The following VWA8 variants were observed in gnomAD, a reference collection of about 807,000 sequenced individuals.
VWA8 encodes the protein von Willebrand factor A domain-containing protein 8.
Under a neutral mutation model 241.5 loss-of-function variants are expected in VWA8, and 221 were observed. The observed-to-expected ratio is 0.91, with a 90% CI of 0.82 to 1.02. The LOEUF is 1.02. Among genes scored for constraint, VWA8 ranks in the 50% least tolerant of loss-of-function variants. The pLI is 0.00. For missense variants in VWA8, 2,322 were observed against 2,328.7 expected (o/e 1.00, Z 0.06); for synonymous variants, 852 against 827.1 (o/e 1.03, Z -0.52).
chr13:41,568,446 T>C (rs2139627599), intron 44 of VWA8, 141 bp from the exon 45 acceptor site: 3 of 581,998 alleles, frequency 5.2e-6, no homozygotes, highest in Non-Finnish European at 9.2e-6. Flanking sequence ...CTGCCTACCA[T>C]TGAATTAGTC....
intron 15 of VWA8, 102 bp from the exon 16 acceptor site, chr13:41,816,877 A>T: frequency 1.1e-6 from 1 of 919,826 alleles, no homozygotes; most frequent in Non-Finnish European, 1.7e-6. Context: ...TTAGAATTAC[A>T]TTTTTAGAAA....
At chr13:41,694,045 A>T (rs964488157) in intron 29 of VWA8, among the ~76,000 whole-genome samples, 2 of 151,984 alleles carry the variant, frequency 1.3e-5, no homozygotes, top group Non-Finnish European at 2.9e-5. Context: ...CTTGAAAAAT[A>T]TAGAAAACAA....
Position 41,689,520 on chromosome 13 carries a change from A to C in VWA8, c.3977-12T>G. On this transcript the variant is annotated splice_polypyrimidine_tract_variant and intron_variant, in intron 33 of 44. Coordinates refer to ENST00000379310, the MANE Select transcript of VWA8 (RefSeq NM_015058.2). ...GCTGAACTCTGTTTCTGAAAAGTAC[A>C]AACATTAGACACCATATGCTCCTGA... 2 of 1,599,420 alleles carry C rather than the reference A, an allele frequency of 1.3e-6. No homozygotes were observed. Among genetic ancestry groups the C allele is most frequent in the South Asian group, 2.3e-5 (2 of 88,470 alleles).
chr13:41,866,371 A>C (rs1593828628), intron 10 of VWA8, among the ~76,000 whole-genome samples: 1 of 150,006 alleles, frequency 6.7e-6, no homozygotes, highest in Non-Finnish European at 1.5e-5. Flanking sequence ...ATATATATAT[A>C]TATATGTGTG....
intron 2 of VWA8, among the ~76,000 whole-genome samples, chr13:41,921,320 C>G (rs1593871121): frequency 6.6e-6 from 1 of 152,200 alleles, no homozygotes; most frequent in Non-Finnish European, 1.5e-5. Context: ...GACAAACCCA[C>G]AGCCAACATC....
At chr13:41,724,987 T>C (rs1265120232) in intron 24 of VWA8, among the ~76,000 whole-genome samples, 1 of 152,114 alleles carries the variant, frequency 6.6e-6, no homozygotes, top group East Asian at 1.9e-4. Context: ...TGAAATGAGA[T>C]TGGTCAGTTT....
chr13:41,656,221 C>T (rs1183747171), intron 37 of VWA8, among the ~76,000 whole-genome samples: 1 of 152,258 alleles, frequency 6.6e-6, no homozygotes, highest in East Asian at 1.9e-4. Context: ...TGATGACTTA[C>T]AATCAAATGC....
At chr13:41,604,613 T>C (rs1011984843) in intron 40 of VWA8, among the ~76,000 whole-genome samples, 2 of 152,110 alleles carry the variant, frequency 1.3e-5, no homozygotes, top group Admixed American at 6.6e-5. Flanking sequence ...TTGAAATACT[T>C]CATGGAAAAG....
intron 39 of VWA8, among the ~76,000 whole-genome samples, chr13:41,608,708 C>T (rs1247528656): frequency 6.6e-6 from 1 of 152,160 alleles, no homozygotes; most frequent in Non-Finnish European, 1.5e-5. Flanking sequence ...GGTGCCTACC[C>T]TAGACGCTTT....
intron 9 of VWA8, among the ~76,000 whole-genome samples, chr13:41,876,601 C>T (rs895384425): frequency 1.1e-4 from 16 of 152,066 alleles, no homozygotes; most frequent in Admixed American, 5.2e-4. Context: ...GACTGACAGT[C>T]GCCCTTCATT....
chr13:41,745,302 A>G (rs1313396538), intron 21 of VWA8, among the ~76,000 whole-genome samples: 2 of 151,816 alleles, frequency 1.3e-5, no homozygotes, highest in African/African-American at 4.8e-5. Context: ...CCCCCACCCC[A>G]TGACAGGCCC....
At chr13:41,771,886 C>CTTTTTTTTT (rs10639837) in intron 20 of VWA8, among the ~76,000 whole-genome samples, 1 of 100,274 alleles carries the variant, frequency 1.0e-5, no homozygotes, top group Non-Finnish European at 2.0e-5. Context: ...CCAGCAGGGA[C>CTTTTTTTTT]TTTTTTTTTT....
At chr13:41,664,945 C>A (rs1169957474) in intron 37 of VWA8, among the ~76,000 whole-genome samples, 2 of 152,106 alleles carry the variant, frequency 1.3e-5, no homozygotes, top group African/African-American at 4.8e-5. Flanking sequence ...ACACTATAAT[C>A]CTCTGCTGAC....
intron 1 of VWA8, among the ~76,000 whole-genome samples, chr13:41,957,758 G>A (rs1411488798): frequency 6.6e-6 from 1 of 152,062 alleles, no homozygotes; most frequent in East Asian, 1.9e-4. Flanking sequence ...CTGTGTAAAA[G>A]TATTTTAGGG....
At chr13:41,570,854 A>C in intron 43 of VWA8, 148 bp from the exon 44 acceptor site, 2 of 672,314 alleles carry the variant, frequency 3.0e-6, no homozygotes, top group Non-Finnish European at 5.0e-6. Flanking sequence ...TTTAATTTGC[A>C]TATTTGAGTG....
In VWA8 at chr13:41,691,905, TG is replaced by T; in HGVS notation, c.3708del (p.His1236GlnfsTer15). On this transcript the variant is annotated frameshift_variant, in exon 31 of 45. Transcript: ENST00000379310. LOFTEE classifies it high-confidence loss of function. ...TCTTTGTAGAACACCAGCCAGTTTT[TG>T]TGTGAAAATTCTTTACACATTTTAT... ...ETYKMCKEFS[H>X]KNWLVFYKEK... The T allele has an allele frequency of 6.2e-7, 1 of 1,610,894 alleles. No individual in the cohort carries two copies. The highest frequency in any genetic ancestry group is 8.5e-7 in the Non-Finnish European group (1 of 1,177,656).
At chr13:41,860,381 G>A (rs117575229) in intron 12 of VWA8, among the ~76,000 whole-genome samples, 2,785 of 152,202 alleles carry the variant, frequency 0.018, 42 homozygotes, top group Non-Finnish European at 0.027. Flanking sequence ...ATGTTTTTAC[G>A]GGAAACTTAT....
intron 37 of VWA8, among the ~76,000 whole-genome samples, chr13:41,620,737 A>G (rs1052368371): frequency 1.6e-4 from 24 of 152,268 alleles, no homozygotes; most frequent in African/African-American, 4.6e-4. Context: ...GGTTTTTAAT[A>G]TCTTTCATGG....
intron 18 of VWA8, among the ~76,000 whole-genome samples, chr13:41,784,697 C>CATATACATAT (rs1355266984): frequency 1.2e-4 from 7 of 57,030 alleles, no homozygotes; most frequent in South Asian, 1.4e-3. Flanking sequence ...TATACATATA[C>CATATACATAT]ATATATATAT....
Sources: allele counts gnomAD v4.1 joint callset (sites outside exome capture counted in the v4.1 genomes callset), GRCh38; gene constraint gnomAD v4.1.1; transcripts MANE v1.5; gene names NCBI Gene and HGNC (gene_info 2026-07-23, HGNC 2026-07-21).